The following SUGCT variants were observed in gnomAD, a reference collection of about 807,000 sequenced individuals.
SUGCT encodes the protein succinyl-CoA:glutarate CoA-transferase.
A neutral mutation model predicts 55.0 loss-of-function variants in SUGCT; 41 were observed. That is an observed-to-expected ratio of 0.74 (90% CI 0.58 to 0.97). The LOEUF is 0.97. Among genes scored for constraint, SUGCT ranks in the 50% least tolerant of loss-of-function variants. SUGCT has a pLI of 0.00. For missense variants in SUGCT, 568 were observed against 547.8 expected, an observed-to-expected ratio of 1.04 and a Z score of -0.37; for synonymous variants, 187 against 200.4, an observed-to-expected ratio of 0.93 and a Z score of 0.56.
At chr7:40,868,294 G>A in the SUGCT span, among the ~76,000 whole-genome samples, 1 of 152,102 alleles carries the variant, frequency 6.6e-6, no homozygotes, top group Non-Finnish European at 1.5e-5. Context: ...CTAGTGACCT[G>A]TCCTCTTAAG....
At chr7:40,946,370 A>C in the SUGCT span, among the ~76,000 whole-genome samples, 1 of 152,102 alleles carries the variant, frequency 6.6e-6, no homozygotes, top group Non-Finnish European at 1.5e-5. Flanking sequence ...GGCTCTGCAC[A>C]TGTGGATACA....
chr7:40,875,968 G>C, the SUGCT span, among the ~76,000 whole-genome samples: 1 of 152,202 alleles, frequency 6.6e-6, no homozygotes, highest in Admixed American at 6.5e-5. Context: ...CCAAGACAGA[G>C]AGAAGCTTTG....
intron 13 of SUGCT, among the ~76,000 whole-genome samples, chr7:40,839,181 A>G (rs1373740115): frequency 2.0e-5 from 3 of 152,114 alleles, no homozygotes; most frequent in African/African-American, 7.2e-5. Flanking sequence ...TTTTAGACAT[A>G]AGATTATGAG....
chr7:40,646,764 T>C lies in SUGCT; in HGVS notation c.1090-102670T>C, dbSNP rs139925473. Among the ~76,000 whole-genome samples the C allele has an allele frequency of 3.2e-3, 494 of 152,334 alleles. 3 individuals are homozygous for C. The highest frequency in any genetic ancestry group is 0.011 in the African/African-American group (471 of 41,586). On this transcript the variant is annotated intron_variant, in intron 12 of 13. Transcript: ENST00000335693. ...TCTTGTTCTCTGTCTTTGTACCATA[T>C]CATTTTTCTTTTTGGTGTTTATCTC...
chr7:40,383,822 C>T (rs536442659), intron 9 of SUGCT, among the ~76,000 whole-genome samples: 63 of 152,274 alleles, frequency 4.1e-4, no homozygotes, highest in Admixed American at 3.1e-3. Flanking sequence ...AGGTAGTTCT[C>T]TTAGATGACA....
intron 1 of SUGCT, among the ~76,000 whole-genome samples, chr7:40,147,682 G>A (rs537279245): frequency 6.6e-6 from 1 of 152,286 alleles, no homozygotes; most frequent in African/African-American, 2.4e-5. Context: ...GCGTTGCTGA[G>A]AGCTCGGGTT....
At chr7:40,209,231 C>T (rs890562787) in intron 6 of SUGCT, among the ~76,000 whole-genome samples, 2 of 152,190 alleles carry the variant, frequency 1.3e-5, no homozygotes, top group Admixed American at 6.5e-5. Context: ...GATGCGGTGG[C>T]GTGACTCATG....
intron 3 of SUGCT, among the ~76,000 whole-genome samples, chr7:40,185,263 T>C (rs1785437313): frequency 6.6e-6 from 1 of 152,262 alleles, no homozygotes; most frequent in Non-Finnish European, 1.5e-5. Flanking sequence ...CCATTGGTTT[T>C]CTTGCATTTT....
At chr7:40,381,224 T>TA (rs1198112041) in intron 9 of SUGCT, among the ~76,000 whole-genome samples, 2 of 152,066 alleles carry the variant, frequency 1.3e-5, no homozygotes, top group African/African-American at 4.8e-5. Context: ...GCTGGCTATA[T>TA]AATATATAAG....
intron 1 of SUGCT, chr7:40,153,632 T>C: frequency 1.9e-6 from 1 of 523,396 alleles, no homozygotes; most frequent in South Asian, 1.4e-5. Flanking sequence ...TAATAGTCGA[T>C]CCAATGTGTG....
chr7:40,991,670 G>A, the SUGCT span, among the ~76,000 whole-genome samples: 44 of 152,250 alleles, frequency 2.9e-4, no homozygotes, highest in African/African-American at 1.1e-3. Flanking sequence ...GTTTGACCAT[G>A]TGTCTGGTGA....
At chr7:40,746,973 G>A (rs183974542) in intron 12 of SUGCT, among the ~76,000 whole-genome samples, 19 of 152,212 alleles carry the variant, frequency 1.2e-4, no homozygotes, top group Admixed American at 2.6e-4. Context: ...AATTTAGCTC[G>A]GTATTTTTGT....
intron 7 of SUGCT, among the ~76,000 whole-genome samples, chr7:40,273,271 C>T (rs1230230924): frequency 6.6e-6 from 1 of 152,056 alleles, no homozygotes; most frequent in Non-Finnish European, 1.5e-5. Flanking sequence ...TTGCTTTAAA[C>T]ATTATTTTGC....
intron 12 of SUGCT, among the ~76,000 whole-genome samples, chr7:40,616,698 A>G (rs889762817): frequency 2.6e-5 from 4 of 152,236 alleles, no homozygotes; most frequent in Non-Finnish European, 5.9e-5. Context: ...GAAGGTGGCC[A>G]TAAGGACTAT....
At chr7:40,738,194 CT>C (rs1241347958) in intron 12 of SUGCT, among the ~76,000 whole-genome samples, 1 of 89,202 alleles carries the variant, frequency 1.1e-5, no homozygotes, top group Non-Finnish European at 2.0e-5. Context: ...GAGACTCCAT[CT>C]TAAAAAAAAA....
At chr7:40,225,691 C>T (rs1788300093) in intron 6 of SUGCT, among the ~76,000 whole-genome samples, 1 of 152,114 alleles carries the variant, frequency 6.6e-6, no homozygotes, top group Non-Finnish European at 1.5e-5. Flanking sequence ...CTGCCTCAGC[C>T]TCCCAAATTG....
At chr7:40,966,022 C>T in the SUGCT span, 1 of 152,146 alleles carries the variant, frequency 6.6e-6, no homozygotes, top group African/African-American at 2.4e-5. Context: ...ACACAGAAAC[C>T]CTTTTTAAAA....
At chr7:40,781,624 T>C (rs530539242) in intron 13 of SUGCT, among the ~76,000 whole-genome samples, 1 of 152,274 alleles carries the variant, frequency 6.6e-6, no homozygotes, top group East Asian at 1.9e-4. Context: ...AGAATAAATG[T>C]TTTCTGAGAA....
intron 6 of SUGCT, among the ~76,000 whole-genome samples, chr7:40,232,369 A>G (rs1788770944): frequency 6.6e-6 from 1 of 152,108 alleles, no homozygotes; most frequent in African/African-American, 2.4e-5. Context: ...AAGGTCGTTA[A>G]CCTGACTCTT....
Sources: allele counts gnomAD v4.1 joint callset (sites outside exome capture counted in the v4.1 genomes callset), GRCh38; gene constraint gnomAD v4.1.1; transcripts MANE v1.5; gene names NCBI Gene and HGNC (gene_info 2026-07-23, HGNC 2026-07-21).